The following WASHC5 variants were observed in gnomAD, a reference collection of about 807,000 sequenced individuals.
WASHC5 encodes WASH complex subunit strumpellin.
In WASHC5, 101 loss-of-function variants were observed where a neutral mutation model predicts 150.4. The observed-to-expected ratio is 0.67, with a 90% CI of 0.57 to 0.79. The LOEUF (loss-of-function observed/expected upper bound fraction) is 0.79, where lower values mean the gene tolerates loss of function less well. Among genes scored for constraint, WASHC5 ranks in the 30% least tolerant of loss-of-function variants. WASHC5 has a pLI of 0.00. For synonymous variants in WASHC5, 467 were observed against 491.2 expected (o/e 0.95, Z 0.65); for missense variants, 1,195 against 1,396.3 (o/e 0.86, Z 2.30).
chr8:125,060,631 A>C (rs931175929), intron 12 of WASHC5, among the ~76,000 whole-genome samples: 33 of 151,754 alleles, frequency 2.2e-4, no homozygotes, highest in African/African-American at 7.8e-4. Flanking sequence ...AAAACAATAA[A>C]CTATTTTTTT....
At chr8:125,053,062 T>C (rs1816291496) in intron 17 of WASHC5, among the ~76,000 whole-genome samples, 1 of 152,110 alleles carries the variant, frequency 6.6e-6, no homozygotes, top group African/African-American at 2.4e-5. Context: ...ATGGGTATCA[T>C]ATGAAGTTGA....
At chr8:125,089,679 C>T (rs1391317157) in intron 1 of WASHC5, among the ~76,000 whole-genome samples, 1 of 152,226 alleles carries the variant, frequency 6.6e-6, no homozygotes. Flanking sequence ...TACAGAAGGA[C>T]AGACAGACTC....
intron 26 of WASHC5, among the ~76,000 whole-genome samples, chr8:125,034,691 T>A (rs1815647450): frequency 6.6e-6 from 1 of 152,192 alleles, no homozygotes; most frequent in South Asian, 2.1e-4. Flanking sequence ...TGACTTCTTG[T>A]GAAGACCGGA....
Position 125,078,947 on chromosome 8 carries a change from A to G in WASHC5, c.519-17T>C. The G allele has an allele frequency of 6.2e-7, 1 of 1,606,642 alleles. No homozygotes were observed. The highest frequency in any genetic ancestry group is 8.5e-7 in the Non-Finnish European group (1 of 1,173,558). ...CGAGCAGCACTGAGTCATATTCACA[A>G]TGGGAAACAAAGACCCAAAACACAC... On this transcript the variant is annotated splice_polypyrimidine_tract_variant and intron_variant, in intron 5 of 28. Transcript: ENST00000318410.
At chr8:125,057,876 T>C (rs1383384035) in intron 14 of WASHC5, among the ~76,000 whole-genome samples, 1 of 152,136 alleles carries the variant, frequency 6.6e-6, no homozygotes, top group Non-Finnish European at 1.5e-5. Context: ...AGCTTCCGCA[T>C]GACCTGGGAA....
Position 125,061,162 on chromosome 8 carries a change from T to C in WASHC5, c.1441A>G (p.Lys481Glu), listed in dbSNP as rs1293276917. 1 of 1,609,954 alleles carries C rather than the reference T, an allele frequency of 6.2e-7. No homozygotes were observed. Among genetic ancestry groups the C allele is most frequent in the South Asian group, 1.1e-5 (1 of 90,968 alleles). The change falls in exon 12 of 29, where the codon AAA becomes GAA. Residue 481 changes from lysine to glutamate, a missense_variant. Coordinates refer to ENST00000318410, the MANE Select transcript of WASHC5 (RefSeq NM_014846.4). Reference sequence around the variant, plus strand: ...TCATAATTTAAAGACAATATTTGTTTTGAGATCTCTCTGAACCAAGCTTGA... The same window carrying C: ...TCATAATTTAAAGACAATATTTGTTCTGAGATCTCTCTGAACCAAGCTTGA... ...NLQAWFREIS[K>E]QILSLNYDDS...
At chr8:125,082,166 G>T (rs956444752) in intron 4 of WASHC5, among the ~76,000 whole-genome samples, 1 of 152,204 alleles carries the variant, frequency 6.6e-6, no homozygotes, top group Admixed American at 6.5e-5. Flanking sequence ...CACCGAGGAG[G>T]CTCATAACTT....
At chr8:125,025,774 A>T (rs993960321) in intron 28 of WASHC5, among the ~76,000 whole-genome samples, 3 of 152,124 alleles carry the variant, frequency 2.0e-5, no homozygotes, top group Middle Eastern at 3.4e-3. Context: ...TCCCTTAAAG[A>T]AAATAAAAAC....
intron 25 of WASHC5, 62 bp from the exon 26 acceptor site, chr8:125,037,395 G>T: frequency 1.0e-6 from 1 of 999,506 alleles, no homozygotes; most frequent in Non-Finnish European, 1.6e-6. Context: ...CCACAGAACA[G>T]GTTTCCAAAT....
intron 6 of WASHC5, among the ~76,000 whole-genome samples, chr8:125,077,478 G>A (rs772681791): frequency 1.3e-5 from 2 of 152,204 alleles, no homozygotes; most frequent in African/African-American, 4.8e-5. Context: ...CATGACCAGG[G>A]ATGGGGGAGG....
Position 125,091,657 on chromosome 8 carries a change from G to GTC in WASHC5, c.-169_-168dup, listed in dbSNP as rs1259605667. On this transcript the variant is annotated 5_prime_UTR_variant, in exon 1 of 29. Transcript: ENST00000318410. ...CCACGGCGCACGCGCAGGGCCGGAGGTCGCGCGCGGAGCCGGCACCCAGTT... is the reference window on the plus strand; with the variant it reads ...CCACGGCGCACGCGCAGGGCCGGAGGTCTCGCGCGCGGAGCCGGCACCCAGTT... The GTC allele has an allele frequency of 6.6e-6, 1 of 152,480 alleles. No individual in the cohort carries two copies. The highest frequency in any genetic ancestry group is 1.5e-5 in the Non-Finnish European group (1 of 68,272). The allele number at this position is 152,480 out of a possible 1,614,324, so 9.4% of individuals were successfully genotyped here. A position where few individuals can be genotyped will look rare whatever the true frequency, so the allele number is the denominator to read the frequency against.
chr8:125,064,154 T>A (rs1451621140), intron 10 of WASHC5, among the ~76,000 whole-genome samples: 2 of 151,994 alleles, frequency 1.3e-5, no homozygotes, highest in Non-Finnish European at 2.9e-5. Context: ...AATTGTTTAT[T>A]TTTATTTATT....
chr8:125,026,743 A>G (rs889106871), intron 28 of WASHC5, among the ~76,000 whole-genome samples: 2 of 151,962 alleles, frequency 1.3e-5, no homozygotes, highest in Non-Finnish European at 2.9e-5. Flanking sequence ...ATTCTTGCTC[A>G]TTGTTCCTTC....
chr8:125,075,199 A>G (rs1159326919), intron 7 of WASHC5, 88 bp from the exon 8 acceptor site: 33 of 827,046 alleles, frequency 4.0e-5, no homozygotes, highest in Non-Finnish European at 5.7e-5. Context: ...GGCAATACCC[A>G]CTCCATGTTT....
chr8:125,055,470 G>A (rs527441529), intron 17 of WASHC5, 121 bp downstream of exon 17: 26 of 759,718 alleles, frequency 3.4e-5, no homozygotes, highest in African/African-American at 5.1e-5. Flanking sequence ...AATGAAGACC[G>A]AAATTGGAAT....
At chr8:125,034,812 A>C (rs924795984) in intron 26 of WASHC5, among the ~76,000 whole-genome samples, 2 of 152,224 alleles carry the variant, frequency 1.3e-5, no homozygotes, top group African/African-American at 4.8e-5. Flanking sequence ...AGTATGGAGA[A>C]ATAATCCTTT....
At chr8:125,040,501 G>C (rs777473239) in intron 23 of WASHC5, among the ~76,000 whole-genome samples, 3 of 152,020 alleles carry the variant, frequency 2.0e-5, no homozygotes, top group Non-Finnish European at 4.4e-5. Flanking sequence ...ATATGGTTTG[G>C]CTGTGCCCCC....
Position 125,074,979 on chromosome 8 carries a change from T to C in WASHC5, c.978+19A>G. 7.1e-7 allele frequency: 1 copy of C among 1,400,558 alleles called. No homozygotes were observed. The highest frequency in any genetic ancestry group is 1.0e-6 in the Non-Finnish European group (1 of 985,166). 86.8% of individuals were successfully genotyped at this position (1,400,558 alleles called of 1,614,324 possible). ...CTAGGCCTGCAGTTATCAGAGAATG[T>C]CCCCAGATTAGAACCTACCTGTTCT... is the stretch of plus-strand genomic sequence containing the variant. On this transcript the variant is annotated intron_variant, in intron 8 of 28. Transcript: ENST00000318410.
At position 125,078,821 on chromosome 8, in the gene WASHC5, T is replaced by C. The variant is rs750722513; in HGVS notation, c.628A>G (p.Ser210Gly). Residue 210 changes from serine to glycine, a missense_variant, in exon 6 of 29, where the codon AGC becomes GGC. Physicochemically the swap from Ser to Gly is moderately conservative, Grantham distance 56. Transcript: ENST00000318410. The part of the protein sequence containing the change: ...GAKRPSNYPE[S>G]YFQRVPINES... ...TTGATAGGCACTCTCTGGAAATAGCTCTCGGGATAGTTGGATGGTCTTTTG... is the reference window on the plus strand; with the variant it reads ...TTGATAGGCACTCTCTGGAAATAGCCCTCGGGATAGTTGGATGGTCTTTTG... The C allele has an allele frequency of 9.9e-6, 16 of 1,613,874 alleles. No individual in the cohort carries two copies. Among genetic ancestry groups the C allele is most frequent in the Non-Finnish European group, 1.3e-5 (15 of 1,179,930 alleles).
Sources: allele counts gnomAD v4.1 joint callset (sites outside exome capture counted in the v4.1 genomes callset), GRCh38; gene constraint gnomAD v4.1.1; transcripts MANE v1.5; gene names NCBI Gene and HGNC (gene_info 2026-07-23, HGNC 2026-07-21).